IP6K3: variants seen among roughly 807,000 people sequenced by gnomAD.
The protein encoded by IP6K3 is ATP:1D-myo-inositol-hexakisphosphate phosphotransferase.
A neutral mutation model predicts 28.8 loss-of-function variants in IP6K3; 20 were observed. The observed-to-expected ratio is 0.70, with a 90% CI of 0.49 to 1.01. IP6K3 has a LOEUF of 1.01. IP6K3 is among the 50% of genes least tolerant of loss of function. The probability of loss-of-function intolerance (pLI) is 0.00; values close to 1 mark genes in which losing one functional copy is unlikely to be tolerated. For synonymous variants in IP6K3, 213 were observed against 221.3 expected (o/e 0.96, Z 0.33); for missense variants, 480 against 537.1 (o/e 0.89, Z 1.05).
intron 3 of IP6K3, 81 bp from the exon 4 acceptor site, chr6:33,726,987 G>A: frequency 1.5e-5 from 21 of 1,405,202 alleles, no homozygotes; most frequent in Non-Finnish European, 2.0e-5. Context: ...TGGGCTCTCT[G>A]AGATGGGCTC....
intron 4 of IP6K3, 65 bp downstream of exon 4, chr6:33,726,666 T>C: frequency 6.8e-7 from 1 of 1,464,124 alleles, no homozygotes; most frequent in Non-Finnish European, 9.3e-7. Context: ...TACCCACCTC[T>C]GCCCCTCTGT....
intron 1 of IP6K3, among the ~76,000 whole-genome samples, chr6:33,739,662 A>G (rs1248639196): frequency 6.6e-6 from 1 of 152,222 alleles, no homozygotes; most frequent in South Asian, 2.1e-4. Context: ...GCAAGTCCCA[A>G]TTAAATCATT....
chr6:33,739,696 C>T (rs765699515), intron 1 of IP6K3, among the ~76,000 whole-genome samples: 1 of 152,266 alleles, frequency 6.6e-6, no homozygotes, highest in Non-Finnish European at 1.5e-5. Context: ...CCTTTCTCAG[C>T]CCAGACCTTC....
At chr6:33,752,444 G>A in the IP6K3 span, among the ~76,000 whole-genome samples, 1 of 152,242 alleles carries the variant, frequency 6.6e-6, no homozygotes, top group Non-Finnish European at 1.5e-5. Flanking sequence ...GGGCATGCCT[G>A]AGCCTGCCAC....
intron 4 of IP6K3, 70 bp from the exon 5 acceptor site, chr6:33,725,686 G>T: frequency 7.0e-7 from 1 of 1,420,020 alleles, no homozygotes; most frequent in Non-Finnish European, 9.7e-7. Context: ...TCGTTTGCAT[G>T]CCTCAGAAGC....
chr6:33,728,359 A>G (rs1351364131), intron 2 of IP6K3, 59 bp from the exon 3 acceptor site: 3 of 1,488,010 alleles, frequency 2.0e-6, no homozygotes, highest in Non-Finnish European at 9.4e-7. Context: ...CCACACGGAC[A>G]TGCAGGAGTG....
chr6:33,758,113 G>A, the IP6K3 span, among the ~76,000 whole-genome samples: 8 of 152,142 alleles, frequency 5.3e-5, no homozygotes, highest in Admixed American at 2.0e-4. Context: ...GGAAGGTGCC[G>A]CCAAAGGAAC....
the IP6K3 span, among the ~76,000 whole-genome samples, chr6:33,761,635 A>C: frequency 6.6e-6 from 1 of 151,792 alleles, no homozygotes; most frequent in Non-Finnish European, 1.5e-5. Context: ...GGCTGCAGGG[A>C]TGTATCAGGC....
chr6:33,758,749 C>T, the IP6K3 span, among the ~76,000 whole-genome samples: 1 of 152,092 alleles, frequency 6.6e-6, no homozygotes, highest in Non-Finnish European at 1.5e-5. Flanking sequence ...CAGGTGCGTG[C>T]CACCACACCT....
chr6:33,745,397 G>A (rs558908538), intron 1 of IP6K3, among the ~76,000 whole-genome samples: 4 of 152,272 alleles, frequency 2.6e-5, no homozygotes, highest in African/African-American at 9.6e-5. Context: ...AGTGGCCCAG[G>A]AGGGGACAGG....
At position 33,727,794 on chromosome 6, in the gene IP6K3, T is replaced by C. The variant is rs1766172102; in HGVS notation, c.413+293A>G. ...CCCCAGAGACACTTCATGGTCTCAG[T>C]GAAACAGATATTTAATTAAACAAAT... is the stretch of plus-strand genomic sequence containing the variant. On this transcript the variant is annotated intron_variant, in intron 3 of 5. Transcript: ENST00000293756. The C allele has an allele frequency of 2.1e-5, 21 of 978,290 alleles. No individual in the cohort carries two copies. In the South Asian group the frequency reaches 9.5e-4, roughly 44 times the overall value. The allele number at this position is 978,290 out of a possible 1,614,324, so 60.6% of individuals were successfully genotyped here. A position where few individuals can be genotyped will look rare whatever the true frequency, so the allele number is the denominator to read the frequency against.
Position 33,728,267 on chromosome 6 carries a change from G to T in IP6K3, c.233C>A (p.Thr78Lys), listed in dbSNP as rs753469284. The change falls in exon 3 of 6, where the codon ACA (threonine) becomes AAA (lysine). Residue 78 changes from threonine (T) to lysine (K), a missense_variant. Thr to Lys is a moderately conservative substitution (Grantham distance 78). Transcript: ENST00000293756. ...GTTGGCAACCAAGCTGAGATGGCCT[G>T]TGCTGTCTTTCCAGAGGTGCACTGT... ...TVTVHLWKDS[T>K]GHLSLVANPV... 1 of 1,614,106 alleles carries T rather than the reference G, an allele frequency of 6.2e-7. No homozygotes were observed. The highest frequency in any genetic ancestry group is 8.5e-7 in the Non-Finnish European group (1 of 1,180,052).
chr6:33,755,467 T>C, the IP6K3 span, among the ~76,000 whole-genome samples: 1 of 152,310 alleles, frequency 6.6e-6, no homozygotes, highest in South Asian at 2.1e-4. Context: ...CTAGACTGAA[T>C]TGTCTAGACT....
At position 33,735,372 on chromosome 6, in the gene IP6K3, G is replaced by A. The variant is rs200167083; in HGVS notation, c.105C>T (p.Asp35=). ...VGGHMSVMKY[D]EHTVCKPLVS... is the part of the protein sequence containing the mutation. Reference sequence around the variant, plus strand: ...CGAGGGGCTTGCACACCGTATGCTCGTCATACTTCATCACGCTCATGTGCC... The same window carrying A: ...CGAGGGGCTTGCACACCGTATGCTCATCATACTTCATCACGCTCATGTGCC... Residue 35 remains aspartate (D), a synonymous_variant, in exon 2 of 6, where the codon GAC becomes GAT. Transcript: ENST00000293756. 3.2e-5 allele frequency: 51 copies of A among 1,606,248 alleles called. No homozygotes were observed. The highest frequency in any genetic ancestry group is 4.0e-5 in the African/African-American group (3 of 74,792).
At chr6:33,758,701 G>T in the IP6K3 span, among the ~76,000 whole-genome samples, 7 of 151,988 alleles carry the variant, frequency 4.6e-5, no homozygotes, top group Admixed American at 4.6e-4. Flanking sequence ...CCAGGTTCAA[G>T]CATTCTCCTG....
chr6:33,757,372 C>G, the IP6K3 span, among the ~76,000 whole-genome samples: 2 of 152,204 alleles, frequency 1.3e-5, no homozygotes, highest in African/African-American at 4.8e-5. Flanking sequence ...CTGCTGAGTT[C>G]CAGAGGCGCC....
At chr6:33,760,846 C>T in the IP6K3 span, among the ~76,000 whole-genome samples, 1 of 151,940 alleles carries the variant, frequency 6.6e-6, no homozygotes, top group Non-Finnish European at 1.5e-5. Flanking sequence ...GTTTTTAGAG[C>T]TGGCCGTTAG....
chr6:33,751,456 CCTCAG>C (rs751110967), upstream of IP6K3, among the ~76,000 whole-genome samples: 54 of 151,418 alleles, frequency 3.6e-4, no homozygotes, highest in Non-Finnish European at 6.6e-4. This position sits in a 1 kb window ranked among gnomAD's most constrained non-coding sequence, Gnocchi z 4.3. Context: ...CCACTTAGGT[CCTCAG>C]GGACAGACAA....
At chr6:33,755,008 G>T in the IP6K3 span, among the ~76,000 whole-genome samples, 1 of 152,208 alleles carries the variant, frequency 6.6e-6, no homozygotes, top group Non-Finnish European at 1.5e-5. Flanking sequence ...CCCCTGGGAG[G>T]TTCTGAGATT....
Sources: allele counts gnomAD v4.1 joint callset (sites outside exome capture counted in the v4.1 genomes callset), GRCh38; gene constraint gnomAD v4.1.1; non-coding constraint Gnocchi (gnomAD v3.1); transcripts MANE v1.5; gene names NCBI Gene and HGNC (gene_info 2026-07-23, HGNC 2026-07-21).